Variants in DNMT1 observed in about 807,000 individuals in gnomAD.
DNMT1 encodes the protein DNA methyltransferase 1, also known as DNA (cytosine-5)-methyltransferase 1.
In DNMT1, 24 loss-of-function variants were observed where a neutral mutation model predicts 205.3. The ratio of observed to expected loss-of-function variants is 0.12; its 90% CI spans 0.08 to 0.16. The LOEUF (loss-of-function observed/expected upper bound fraction) is 0.16, where lower values mean the gene tolerates loss of function less well. Among genes scored for constraint, DNMT1 ranks in the 10% least tolerant of loss-of-function variants. The pLI is 1.00. For missense variants in DNMT1, 1,293 were observed against 2,177.7 expected (o/e 0.59, Z 8.09); for synonymous variants, 817 against 839.8 (o/e 0.97, Z 0.47).
chr19:10,138,342 C>T lies in DNMT1; in HGVS notation c.4115+97G>A. 1.3e-6 allele frequency: 2 copies of T among 1,581,154 alleles called. No individual in the cohort carries two copies. The highest frequency in any genetic ancestry group is 2.2e-5 in the East Asian group (1 of 44,582). ...TGTGGCAGGGCAGATGCTGTACCAT[C>T]CTCTCCTCCCCAAGCCTCACCAGGG... On this transcript the variant is annotated intron_variant, in intron 35 of 40. Coordinates refer to ENST00000359526, the MANE Select transcript of DNMT1 (RefSeq NM_001130823.3). This position sits in a 1 kb window ranked among gnomAD's most constrained non-coding sequence, Gnocchi z 4.1.
chr19:10,169,386 C>CAAAAAAAAAAAAAAAA, intron 9 of DNMT1, among the ~76,000 whole-genome samples: 1 of 80,948 alleles, frequency 1.2e-5, no homozygotes, highest in Non-Finnish European at 2.3e-5. Flanking sequence ...ACTAAAAATA[C>CAAAAAAAAAAAAAAAA]AAAAAAAAAA....
intron 1 of DNMT1, among the ~76,000 whole-genome samples, chr19:10,183,942 T>G (rs1488879335): frequency 6.6e-6 from 1 of 152,012 alleles, no homozygotes; most frequent in Admixed American, 6.6e-5. Context: ...TGGTCCCAGT[T>G]ACTTGGGAGG....
In DNMT1 at chr19:10,159,896, G is replaced by A. The variant is rs147382114; in HGVS notation, c.1116C>T (p.Cys372=). ...GGTCAGGGTCGTCCAGGTACTGCCC[G>A]CACTGAATGCACTTGGGAGGGTGGG... ...SKTHPPKCIQ[C]GQYLDDPDLK... is the part of the protein sequence containing the mutation. The change falls in exon 16 of 41, where the codon TGC becomes TGT. Residue 372 remains cysteine (C), a synonymous_variant. Transcript: ENST00000359526. The surrounding 1 kb of genome is among the most constrained non-coding windows in gnomAD (Gnocchi z 5.0). 1.3e-5 allele frequency: 21 copies of A among 1,614,194 alleles called. No individual in the cohort carries two copies. The Admixed American group carries it at 1.5e-4, about 12-fold the overall frequency.
intron 13 of DNMT1, among the ~76,000 whole-genome samples, chr19:10,162,279 C>A (rs143361487): frequency 4.6e-4 from 70 of 151,294 alleles, no homozygotes; most frequent in Non-Finnish European, 8.8e-4. Context: ...GCTGGGACTA[C>A]AGGCATATGC....
Position 10,151,521 on chromosome 19 carries a change from C to A in DNMT1, c.2142G>T (p.Glu714Asp). 1 of 1,614,040 alleles carries A rather than the reference C, an allele frequency of 6.2e-7. No individual in the cohort carries two copies. Among genetic ancestry groups the A allele is most frequent in the Non-Finnish European group, 8.5e-7 (1 of 1,180,040 alleles). ...ERRCPNMAMKEADDDEEVDDN... is the reference protein window; with the variant it reads ...ERRCPNMAMKDADDDEEVDDN... ...CATCGACTTCCTCATCGTCATCTGC[C>A]TCCTTCATGGCCATATTGGGACACC... Residue 714 changes from glutamate to aspartate, a missense_variant, in exon 24 of 41, where the codon GAG (glutamate) becomes GAT (aspartate). Coordinates refer to ENST00000359526, the MANE Select transcript of DNMT1 (RefSeq NM_001130823.3). The surrounding 1 kb of genome is among the most constrained non-coding windows in gnomAD (Gnocchi z 5.0).
In DNMT1 at chr19:10,156,515, C is replaced by A; in HGVS notation, c.1281-6G>T. ...GACCGTGCTTACAGTACACACTAGACAGGAAACAAAGCACATGCTTACCAG... is the reference window on the plus strand; with the variant it reads ...GACCGTGCTTACAGTACACACTAGAAAGGAAACAAAGCACATGCTTACCAG... On this transcript the variant is annotated splice_region_variant and splice_polypyrimidine_tract_variant and intron_variant, in intron 17 of 40. Transcript: ENST00000359526. The surrounding 1 kb of genome is among the most constrained non-coding windows in gnomAD (Gnocchi z 4.2). 1 of 1,609,280 alleles carries A rather than the reference C, an allele frequency of 6.2e-7. No individual in the cohort carries two copies. The highest frequency in any genetic ancestry group is 1.1e-5 in the South Asian group (1 of 90,988).
chr19:10,162,645 GAA>G lies in DNMT1; in HGVS notation c.1008+20_1008+21del, dbSNP rs1599375435. 5 of 1,288,154 alleles carry G rather than the reference GAA, an allele frequency of 3.9e-6. No homozygotes were observed. The highest frequency in any genetic ancestry group is 2.4e-5 in the East Asian group (1 of 41,940). 79.8% of individuals were successfully genotyped at this position (1,288,154 alleles called of 1,614,324 possible). On this transcript the variant is annotated intron_variant, in intron 13 of 40. Coordinates refer to ENST00000359526, the MANE Select transcript of DNMT1 (RefSeq NM_001130823.3). ...GAAAAAAAAAAAAAAAAAAAAGAAA[GAA>G]AGAAAAGTGAGACCTTTACCTTTTC...
At chr19:10,144,039 C>A (rs1555689251) in intron 28 of DNMT1, 52 bp from the exon 29 acceptor site, 15 of 1,574,150 alleles carry the variant, frequency 9.5e-6, no homozygotes, top group Admixed American at 1.7e-5. Context: ...TTGCAGTGGT[C>A]AGTCAGGCAT....
At chr19:10,153,987 G>A (rs2038402621) in intron 22 of DNMT1, among the ~76,000 whole-genome samples, 1 of 152,204 alleles carries the variant, frequency 6.6e-6, no homozygotes, top group South Asian at 2.1e-4. Context: ...TACCCCTTTA[G>A]CAGTCCAACA....
At chr19:10,164,638 A>C (rs575937010) in intron 11 of DNMT1, among the ~76,000 whole-genome samples, 2 of 151,578 alleles carry the variant, frequency 1.3e-5, no homozygotes, top group Admixed American at 1.3e-4. Flanking sequence ...CAAACAAACA[A>C]ACAAACACGC....
In DNMT1 at chr19:10,160,006, G is replaced by C; in HGVS notation, c.1089+12C>G. ...AGCGCCGCCACCGGCTTTATTCCCG[G>C]CAGATGTTTACCTTGGAGTTCATGA... is the stretch of plus-strand genomic sequence containing the variant. On this transcript the variant is annotated intron_variant, in intron 15 of 40. Coordinates refer to ENST00000359526, the MANE Select transcript of DNMT1 (RefSeq NM_001130823.3). 1.2e-6 allele frequency: 2 copies of C among 1,614,180 alleles called. No individual in the cohort carries two copies. The highest frequency in any genetic ancestry group is 1.7e-6 in the Non-Finnish European group (2 of 1,180,048).
rs887952694 is a variant in DNMT1, at chr19:10,163,020, A to G, written c.927-272T>C. On this transcript the variant is annotated intron_variant, in intron 12 of 40. Coordinates refer to ENST00000359526, the MANE Select transcript of DNMT1 (RefSeq NM_001130823.3). Reference sequence around the variant, plus strand: ...TTCACTCTTGTCCAGGCTGGAGTGCAGTGGCGCAATCTTGGCTCACTGCAA... The same window carrying G: ...TTCACTCTTGTCCAGGCTGGAGTGCGGTGGCGCAATCTTGGCTCACTGCAA... 5.6e-6 allele frequency: 3 copies of G among 537,236 alleles called. No homozygotes were observed. The African/African-American group carries it at 6.1e-5, about 11-fold the overall frequency. 33.3% of individuals were successfully genotyped at this position (537,236 alleles called of 1,614,324 possible).
chr19:10,156,630 GT>G lies in DNMT1; in HGVS notation c.1281-122del. 1 of 760,392 alleles carries G rather than the reference GT, an allele frequency of 1.3e-6. No individual in the cohort carries two copies. Among genetic ancestry groups the G allele is most frequent in the East Asian group, 2.7e-5 (1 of 36,604 alleles). The allele number at this position is 760,392 out of a possible 1,614,324, so 47.1% of individuals were successfully genotyped here. On this transcript the variant is annotated intron_variant, in intron 17 of 40. Transcript: ENST00000359526. This position sits in a 1 kb window ranked among gnomAD's most constrained non-coding sequence, Gnocchi z 4.2. ...CAAGTCTGACACTCTTTTTTTGTTT[GT>G]TTTTGAGACAGAGTCTTGCTCTATC...
At chr19:10,142,585 T>C (rs1000997401) in intron 29 of DNMT1, among the ~76,000 whole-genome samples, 5 of 147,156 alleles carry the variant, frequency 3.4e-5, no homozygotes, top group Admixed American at 6.8e-5. Context: ...GCAAGGTAGA[T>C]TCCCCCACAA....
chr19:10,194,935 A>G lies in DNMT1; in HGVS notation c.-36T>C, dbSNP rs751911488. 3 of 1,585,394 alleles carry G rather than the reference A, an allele frequency of 1.9e-6. No individual in the cohort carries two copies. Among genetic ancestry groups the G allele is most frequent in the South Asian group, 2.3e-5 (2 of 87,374 alleles). On this transcript the variant is annotated 5_prime_UTR_variant, in exon 1 of 41. Coordinates refer to ENST00000359526, the MANE Select transcript of DNMT1 (RefSeq NM_001130823.3). ...TCAGCAGACGCGGCGGCGGCAGCGC[A>G]GGCGCCCCGGCTTTTCGCGCGGAAA... is the stretch of plus-strand genomic sequence containing the variant.
At chr19:10,163,067 C>T (rs558479027) in intron 12 of DNMT1, 62 of 560,678 alleles carry the variant, frequency 1.1e-4, no homozygotes, top group Non-Finnish European at 1.3e-4. Flanking sequence ...TGGCTTCTAG[C>T]AGTTCTGCCT....
chr19:10,172,607 C>G (rs936110156), intron 9 of DNMT1, among the ~76,000 whole-genome samples: 1 of 151,764 alleles, frequency 6.6e-6, no homozygotes, highest in Non-Finnish European at 1.5e-5. Flanking sequence ...GTGGATCACT[C>G]GAGGTCAGGA....
At chr19:10,152,604 T>A (rs1017547960) in intron 22 of DNMT1, among the ~76,000 whole-genome samples, 2 of 151,490 alleles carry the variant, frequency 1.3e-5, no homozygotes, top group African/African-American at 4.9e-5. Flanking sequence ...CAAAATGTTT[T>A]TTTTTAATTA....
chr19:10,194,347 A>T (rs952097103), intron 1 of DNMT1, among the ~76,000 whole-genome samples: 2 of 151,922 alleles, frequency 1.3e-5, no homozygotes, highest in African/African-American at 4.8e-5. Context: ...TTTGGGGGAA[A>T]GGCACTGAGG....
Sources: allele counts gnomAD v4.1 joint callset (sites outside exome capture counted in the v4.1 genomes callset), GRCh38; gene constraint gnomAD v4.1.1; non-coding constraint Gnocchi (gnomAD v3.1); transcripts MANE v1.5; gene names NCBI Gene and HGNC (gene_info 2026-07-23, HGNC 2026-07-21).